PYGO1: variants seen among roughly 807,000 people sequenced by gnomAD.
The protein encoded by PYGO1 is pygopus homolog 1.
In PYGO1, 6 loss-of-function variants were observed where a neutral mutation model predicts 29.5. The ratio of observed to expected loss-of-function variants is 0.20; its 90% CI spans 0.11 to 0.40. The LOEUF is 0.40. PYGO1 is among the 10% of genes least tolerant of loss of function. PYGO1 has a pLI of 1.00. For synonymous variants in PYGO1, 186 were observed against 180.5 expected (o/e 1.03, Z -0.24); for missense variants, 515 against 514.9 (o/e 1.00, Z 0.00).
chr15:55,560,005 A>G (rs1296800064), intron 1 of PYGO1, among the ~76,000 whole-genome samples: 1 of 152,174 alleles, frequency 6.6e-6, no homozygotes, highest in Non-Finnish European at 1.5e-5. Context: ...AAAACTCAAT[A>G]AACTAGGTAT....
At chr15:55,554,711 G>A (rs144761424) in intron 1 of PYGO1, among the ~76,000 whole-genome samples, 460 of 152,106 alleles carry the variant, frequency 3.0e-3, no homozygotes, top group African/African-American at 0.011. Flanking sequence ...CACAACATGA[G>A]AACCTCATGA....
chr15:55,551,269 C>CT (rs2141648819), intron 1 of PYGO1, among the ~76,000 whole-genome samples: 1 of 152,282 alleles, frequency 6.6e-6, no homozygotes. Flanking sequence ...TGTTCTTCCA[C>CT]TAGAAGGAAC....
chr15:55,573,874 C>T (rs2058990315), intron 1 of PYGO1, among the ~76,000 whole-genome samples: 2 of 152,146 alleles, frequency 1.3e-5, no homozygotes. Context: ...ATTGAGAAAT[C>T]ATAAGAAAGA....
intron 1 of PYGO1, among the ~76,000 whole-genome samples, chr15:55,573,098 A>G (rs961876195): frequency 6.6e-6 from 1 of 151,592 alleles, no homozygotes; most frequent in African/African-American, 2.4e-5. Context: ...CGAGGTCAGG[A>G]GTTCGAGACC....
chr15:55,556,389 C>T (rs2058905080), intron 1 of PYGO1, among the ~76,000 whole-genome samples: 1 of 152,148 alleles, frequency 6.6e-6, no homozygotes, highest in African/African-American at 2.4e-5. Flanking sequence ...ACAACCTGCT[C>T]CTGAATGACT....
chr15:55,563,046 T>C (rs1488202998), intron 1 of PYGO1, among the ~76,000 whole-genome samples: 2 of 151,888 alleles, frequency 1.3e-5, no homozygotes, highest in Non-Finnish European at 2.9e-5. Context: ...TTCTTAATTA[T>C]AATGCCAAAG....
chr15:55,584,189 T>C (rs1013867396), intron 1 of PYGO1, among the ~76,000 whole-genome samples: 3 of 148,432 alleles, frequency 2.0e-5, no homozygotes, highest in Non-Finnish European at 4.4e-5. Flanking sequence ...CGATCTCAGC[T>C]CACTGCAGCC....
chr15:55,546,372 T>G lies in PYGO1; in HGVS notation c.911A>C (p.Gln304Pro), dbSNP rs2058850463. 1 of 1,614,116 alleles carries G rather than the reference T, an allele frequency of 6.2e-7. No individual in the cohort carries two copies. Among genetic ancestry groups the G allele is most frequent in the South Asian group, 1.1e-5 (1 of 91,094 alleles). The change falls in exon 3 of 3, where the codon CAG (glutamine) becomes CCG (proline). Residue 304 changes from glutamine to proline, a missense_variant. Coordinates refer to ENST00000563719, the MANE Select transcript of PYGO1 (RefSeq NM_001367806.1). ...ATNNNPANGT[Q>P]NKPRQPRGAA... ...ACCTCTTGGTTGTCGTGGCTTATTC[T>G]GCGTCCCATTTGCAGGGTTATTGTT... is the stretch of plus-strand genomic sequence containing the variant.
Position 55,547,087 on chromosome 15 carries a change from G to A in PYGO1, c.196C>T (p.Leu66=). 6.2e-7 allele frequency: 1 copy of A among 1,612,170 alleles called. No homozygotes were observed. Among genetic ancestry groups the A allele is most frequent in the Non-Finnish European group, 8.5e-7 (1 of 1,179,130 alleles). The change falls in exon 3 of 3, where the codon CTA becomes TTA. Residue 66 remains leucine (L), a synonymous_variant. Coordinates refer to ENST00000563719, the MANE Select transcript of PYGO1 (RefSeq NM_001367806.1). ...APPPNPNSDH[L]VAANPFDDNY... is the part of the protein sequence containing the mutation. Reference sequence around the variant, plus strand: ...TCATCAAATGGATTAGCAGCCACTAGATGGTCAGAGTTTGGATTCGGTGGT... The same window carrying A: ...TCATCAAATGGATTAGCAGCCACTAAATGGTCAGAGTTTGGATTCGGTGGT...
intron 1 of PYGO1, among the ~76,000 whole-genome samples, chr15:55,586,252 C>G (rs1030244456): frequency 7.9e-5 from 12 of 152,168 alleles, no homozygotes; most frequent in African/African-American, 2.9e-4. Context: ...ATTGCAATCA[C>G]CTCCCTACTA....
chr15:55,568,404 T>C (rs1186098022), intron 1 of PYGO1, among the ~76,000 whole-genome samples: 1 of 151,510 alleles, frequency 6.6e-6, no homozygotes, highest in Non-Finnish European at 1.5e-5. Context: ...TCTCAGCTTG[T>C]ATATTACTGG....
In PYGO1 at chr15:55,542,100, T is replaced by G. The variant is rs2058830097; in HGVS notation, c.*3923A>C. ...AAATCCAAAACTCTTGAGAACTCCC[T>G]TTTAAAAAATCATTGCTTATATATT... On this transcript the variant is annotated 3_prime_UTR_variant, in exon 3 of 3. Transcript: ENST00000563719. 1 of 152,192 alleles carries G rather than the reference T, an allele frequency of 6.6e-6. No homozygotes were observed. The allele number at this position is 152,192 out of a possible 1,614,324, so 9.4% of individuals were successfully genotyped here.
chr15:55,578,738 C>G (rs1226339413), intron 1 of PYGO1, among the ~76,000 whole-genome samples: 1 of 152,100 alleles, frequency 6.6e-6, no homozygotes, highest in Non-Finnish European at 1.5e-5. Context: ...TTTATATATT[C>G]TGGGTACTAA....
rs2058844543 is a variant in PYGO1 at position 55,545,243 on chromosome 15, A to G, written c.*780T>C. 1 of 152,208 alleles carries G rather than the reference A, an allele frequency of 6.6e-6. No individual in the cohort carries two copies. Among genetic ancestry groups the G allele is most frequent in the Non-Finnish European group, 1.5e-5 (1 of 68,032 alleles). The allele number at this position is 152,208 out of a possible 1,614,324, so 9.4% of individuals were successfully genotyped here. On this transcript the variant is annotated 3_prime_UTR_variant, in exon 3 of 3. Transcript: ENST00000563719. ...GTATTTCTCTGGAAAACAATAAACA[A>G]TAACAAGACAACTCAATATCAAAGA...
At chr15:55,560,078 T>C (rs769438966) in intron 1 of PYGO1, among the ~76,000 whole-genome samples, 1 of 152,078 alleles carries the variant, frequency 6.6e-6, no homozygotes, top group African/African-American at 2.4e-5. Flanking sequence ...CTGATTATCA[T>C]ACTGAATGGG....
intron 1 of PYGO1, among the ~76,000 whole-genome samples, chr15:55,555,937 A>G (rs936644761): frequency 2.0e-5 from 3 of 152,176 alleles, no homozygotes; most frequent in Non-Finnish European, 4.4e-5. Context: ...AAAAAGTTCA[A>G]TTCAACAAGA....
At chr15:55,584,459 G>T (rs2059038577) in intron 1 of PYGO1, among the ~76,000 whole-genome samples, 1 of 152,142 alleles carries the variant, frequency 6.6e-6, no homozygotes, top group Non-Finnish European at 1.5e-5. Flanking sequence ...CACTGTGATT[G>T]CTCTATAAAT....
At chr15:55,563,298 C>G (rs2058941187) in intron 1 of PYGO1, among the ~76,000 whole-genome samples, 1 of 151,922 alleles carries the variant, frequency 6.6e-6, no homozygotes, top group Non-Finnish European at 1.5e-5. Context: ...TTTTTCCCCC[C>G]TCCAAATGTA....
chr15:55,544,261 T>C lies in PYGO1; in HGVS notation c.*1762A>G, dbSNP rs536151302. ...TCAAAATATGCATCAGGAGCATGAATAGTTTTCTTCCAACAGAATATTAAA... is the reference window on the plus strand; with the variant it reads ...TCAAAATATGCATCAGGAGCATGAACAGTTTTCTTCCAACAGAATATTAAA... On this transcript the variant is annotated 3_prime_UTR_variant, in exon 3 of 3. Coordinates refer to ENST00000563719, the MANE Select transcript of PYGO1 (RefSeq NM_001367806.1). 5 of 152,322 alleles carry C rather than the reference T, an allele frequency of 3.3e-5. No homozygotes were observed. The highest frequency in any genetic ancestry group is 2.1e-4 in the South Asian group (1 of 4,828). The allele number at this position is 152,322 out of a possible 1,614,324, so 9.4% of individuals were successfully genotyped here.
Sources: allele counts gnomAD v4.1 joint callset (sites outside exome capture counted in the v4.1 genomes callset), GRCh38; gene constraint gnomAD v4.1.1; transcripts MANE v1.5; gene names NCBI Gene and HGNC (gene_info 2026-07-23, HGNC 2026-07-21).